The following PALM2AKAP2 variants were observed in gnomAD, a reference collection of about 807,000 sequenced individuals.
PALM2AKAP2 encodes PALM2 and AKAP2 fusion.
In PALM2AKAP2, 37 loss-of-function variants were observed where a neutral mutation model predicts 71.5. That is an observed-to-expected ratio of 0.52 (90% CI 0.40 to 0.68). The LOEUF is 0.68. Ranked by LOEUF, PALM2AKAP2 falls within the 30% of genes least tolerant of loss-of-function variation. The pLI, the probability that PALM2AKAP2 is intolerant of heterozygous loss-of-function variation, is 0.00. For missense variants in PALM2AKAP2, 1,224 were observed against 1,191.8 expected (o/e 1.03, Z -0.40); for synonymous variants, 468 against 478.8 (o/e 0.98, Z 0.29).
At chr9:109,851,359 A>G (rs1247647255) in intron 1 of PALM2AKAP2, among the ~76,000 whole-genome samples, 2 of 151,980 alleles carry the variant, frequency 1.3e-5, no homozygotes, top group Non-Finnish European at 2.9e-5. Context: ...CACTGTGGGG[A>G]AAATTGAGGC....
chr9:110,133,961 T>C (rs1439874553), intron 1 of PALM2AKAP2, among the ~76,000 whole-genome samples: 1 of 152,224 alleles, frequency 6.6e-6, no homozygotes, highest in African/African-American at 2.4e-5. Context: ...TTACTGACAA[T>C]GTCTCATCCA....
At chr9:109,819,119 C>T (rs976341376) in intron 1 of PALM2AKAP2, among the ~76,000 whole-genome samples, 1 of 152,226 alleles carries the variant, frequency 6.6e-6, no homozygotes, top group African/African-American at 2.4e-5. Flanking sequence ...CCTTCCCCCA[C>T]AGGTGAAAAC....
chr9:110,122,405 G>T (rs1046433161), intron 1 of PALM2AKAP2, among the ~76,000 whole-genome samples: 1 of 152,174 alleles, frequency 6.6e-6, no homozygotes, highest in Non-Finnish European at 1.5e-5. Flanking sequence ...TGCCTGGTGC[G>T]GCTTCTATGA....
At chr9:109,750,442 A>G (rs7849021) in intron 1 of PALM2AKAP2, among the ~76,000 whole-genome samples, 46,328 of 152,000 alleles carry the variant, frequency 0.3, 7,206 homozygotes, top group Middle Eastern at 0.4. Flanking sequence ...AAGAGGAAAA[A>G]AAGTTCTGCT....
At chr9:109,952,701 A>C (rs769045462) in intron 6 of PALM2AKAP2, among the ~76,000 whole-genome samples, 1 of 152,220 alleles carries the variant, frequency 6.6e-6, no homozygotes, top group Admixed American at 6.5e-5. Flanking sequence ...TTACACAGTG[A>C]ATGGCAGGGC....
intron 1 of PALM2AKAP2, among the ~76,000 whole-genome samples, chr9:110,122,170 T>C (rs1332417679): frequency 6.6e-6 from 1 of 152,104 alleles, no homozygotes; most frequent in Non-Finnish European, 1.5e-5. Context: ...AGCTGTACTA[T>C]AGGTGCATGC....
intron 6 of PALM2AKAP2, among the ~76,000 whole-genome samples, chr9:109,948,084 A>C (rs1302288866): frequency 6.6e-6 from 1 of 152,184 alleles, no homozygotes; most frequent in Non-Finnish European, 1.5e-5. Flanking sequence ...CACTTCACAA[A>C]GGCCTTCTTC....
intron 6 of PALM2AKAP2, among the ~76,000 whole-genome samples, chr9:109,953,454 C>G (rs1434263232): frequency 2.6e-5 from 4 of 152,156 alleles, no homozygotes; most frequent in African/African-American, 9.7e-5. Flanking sequence ...GGCTAAAAAT[C>G]CGTGTGGGGT....
rs201648047 is a variant in PALM2AKAP2, at chr9:110,006,324, CTCTTTCTTTCTT to C, written c.497-9593_497-9582del. 2.1e-3 allele frequency among the ~76,000 whole-genome samples: 211 copies of C among 102,212 alleles called. 1 individual carries two copies. Among genetic ancestry groups the C allele is most frequent in the Admixed American group, 6.5e-3 (53 of 8,208 alleles). 67.1% of individuals were successfully genotyped at this position (102,212 alleles called of 152,430 possible). ...TTTCCCTCCCTTTCCTTCCTTCCTT[CTCTTTCTTTCTT>C]TCTTTCTTTCTTTCTTTCTTTCTTT... On this transcript the variant is annotated intron_variant, in intron 6 of 9. Coordinates refer to the PALM2AKAP2 transcript ENST00000302798.
intron 1 of PALM2AKAP2, among the ~76,000 whole-genome samples, chr9:109,713,161 C>G (rs764473895): frequency 6.6e-6 from 1 of 152,206 alleles, no homozygotes; most frequent in African/African-American, 2.4e-5. Flanking sequence ...AACCATCTAT[C>G]ATGGTACTTG....
chr9:109,749,447 C>T, intron 1 of PALM2AKAP2, among the ~76,000 whole-genome samples: 1 of 151,588 alleles, frequency 6.6e-6, no homozygotes, highest in Non-Finnish European at 1.5e-5. Context: ...GTCTTTTTCT[C>T]ATCTGGGGCT....
At chr9:109,972,460 T>C (rs1390674788) in intron 6 of PALM2AKAP2, among the ~76,000 whole-genome samples, 1 of 152,184 alleles carries the variant, frequency 6.6e-6, no homozygotes, top group African/African-American at 2.4e-5. Context: ...GTTTTGTGGA[T>C]GAACGTGGGA....
upstream of PALM2AKAP2, among the ~76,000 whole-genome samples, chr9:110,045,023 T>C (rs1178974452): frequency 6.6e-6 from 1 of 152,154 alleles, no homozygotes; most frequent in Non-Finnish European, 1.5e-5. Flanking sequence ...AAAGCTGTTC[T>C]TTACTTTGTG....
intron 2 of PALM2AKAP2, among the ~76,000 whole-genome samples, chr9:110,150,941 GCTAA>G (rs1481459464): frequency 2.0e-5 from 3 of 152,074 alleles, no homozygotes; most frequent in African/African-American, 2.4e-5. Flanking sequence ...ATTTATAATG[GCTAA>G]CTAATACTTC....
At chr9:109,918,897 T>TC (rs1476850379) in intron 3 of PALM2AKAP2, among the ~76,000 whole-genome samples, 2 of 152,240 alleles carry the variant, frequency 1.3e-5, no homozygotes, top group Non-Finnish European at 2.9e-5. Flanking sequence ...TCCTTTTTTT[T>TC]CTCTCCCTCT....
At chr9:110,082,928 G>T (rs1429785511) in intron 1 of PALM2AKAP2, among the ~76,000 whole-genome samples, 1 of 152,062 alleles carries the variant, frequency 6.6e-6, no homozygotes, top group Non-Finnish European at 1.5e-5. Flanking sequence ...GATCACCTGA[G>T]GTCGGGAGTT....
At chr9:110,149,421 A>G (rs1173846265) in intron 2 of PALM2AKAP2, among the ~76,000 whole-genome samples, 1 of 152,252 alleles carries the variant, frequency 6.6e-6, no homozygotes, top group Admixed American at 6.5e-5. Context: ...AGCGTGGGCT[A>G]ATAATATTTA....
Position 109,941,140 on chromosome 9 carries a change from C to CTCT in PALM2AKAP2, c.496+9117_496+9119dup, listed in dbSNP as rs1373435157. On this transcript the variant is annotated intron_variant, in intron 6 of 9. Coordinates refer to the PALM2AKAP2 transcript ENST00000302798. ...TCCCCTTCTCTTCTTCTTCTTCTTCCTCTTCTTTTTTTTTTTTTTTTTTTT... is the reference window on the plus strand; with the variant it reads ...TCCCCTTCTCTTCTTCTTCTTCTTCCTCTTCTTCTTTTTTTTTTTTTTTTTTTT... Among the ~76,000 whole-genome samples the CTCT allele has an allele frequency of 1.5e-3, 214 of 138,992 alleles. 7 individuals are homozygous for CTCT. The highest frequency in any genetic ancestry group is 3.0e-3 in the South Asian group (13 of 4,298). The allele number at this position is 138,992 out of a possible 152,430, so 91.2% of individuals were successfully genotyped here. A position where few individuals can be genotyped will look rare whatever the true frequency, so the allele number is the denominator to read the frequency against.
chr9:109,716,357 G>A (rs1468797503), intron 1 of PALM2AKAP2, among the ~76,000 whole-genome samples: 2 of 152,168 alleles, frequency 1.3e-5, no homozygotes, highest in Admixed American at 6.5e-5. Flanking sequence ...CCAGAACCAA[G>A]GAGTCTATTT....
Sources: gnomAD v4.1 joint callset for allele counts (sites outside exome capture counted in the v4.1 genomes callset) on GRCh38, gnomAD v4.1.1 for gene constraint, MANE v1.5 for transcripts, NCBI Gene and HGNC (gene_info 2026-07-23, HGNC 2026-07-21) for gene names.